The following ROBO1 variants were observed in gnomAD, a reference collection of about 807,000 sequenced individuals.
ROBO1 encodes roundabout guidance receptor 1.
Under a neutral mutation model 195.9 loss-of-function variants are expected in ROBO1, and 149 were observed. The observed-to-expected ratio is 0.76, with a 90% CI of 0.67 to 0.87. The LOEUF (loss-of-function observed/expected upper bound fraction) is 0.87. Among genes scored for constraint, ROBO1 ranks in the 40% least tolerant of loss-of-function variants. The pLI, the probability that ROBO1 is intolerant of heterozygous loss-of-function variation, is 0.00. For synonymous variants in ROBO1, 816 were observed against 733.2 expected (o/e 1.11, Z -1.82); for missense variants, 1,933 against 2,068.3 (o/e 0.93, Z 1.27).
At chr3:78,704,597 CACACACACACACACACAG>C (rs1206818609) in intron 8 of ROBO1, among the ~76,000 whole-genome samples, 429 of 11,952 alleles carry the variant, frequency 0.036, 5 homozygotes, top group African/African-American at 0.11. Flanking sequence ...CACACACATA[CACACACACACACACACAG>C]ACACACACAC....
intron 3 of ROBO1, among the ~76,000 whole-genome samples, chr3:78,950,116 A>T (rs892315144): frequency 6.6e-6 from 1 of 152,118 alleles, no homozygotes; most frequent in African/African-American, 2.4e-5. Context: ...TTCCTCAGGG[A>T]TCTAGAACTA....
chr3:79,125,188 T>C (rs537793919), intron 3 of ROBO1, among the ~76,000 whole-genome samples: 1 of 152,312 alleles, frequency 6.6e-6, no homozygotes, highest in South Asian at 2.1e-4. Context: ...ACTAGCAGTA[T>C]CAAAGTTTCA....
chr3:79,068,667 G>A (rs1374543133), intron 3 of ROBO1, among the ~76,000 whole-genome samples: 1 of 151,036 alleles, frequency 6.6e-6, no homozygotes, highest in Non-Finnish European at 1.5e-5. Flanking sequence ...CTGTTTATTT[G>A]CATGACTTTC....
intron 21 of ROBO1, among the ~76,000 whole-genome samples, chr3:78,645,684 C>T (rs943461882): frequency 6.6e-6 from 1 of 152,012 alleles, no homozygotes; most frequent in Non-Finnish European, 1.5e-5. Flanking sequence ...TCTTTTATTT[C>T]AACACATTTT....
chr3:79,138,048 T>C (rs978457897), intron 2 of ROBO1, among the ~76,000 whole-genome samples: 2 of 152,090 alleles, frequency 1.3e-5, no homozygotes, highest in African/African-American at 4.8e-5. Flanking sequence ...ATTATTAAAA[T>C]GGGGTTCCAA....
At chr3:78,935,094 C>T (rs1306538093) in intron 4 of ROBO1, among the ~76,000 whole-genome samples, 3 of 152,016 alleles carry the variant, frequency 2.0e-5, no homozygotes, top group East Asian at 1.9e-4. Flanking sequence ...TTGAAAGCAG[C>T]GAGAAAATAT....
At chr3:79,260,988 A>G (rs2082928606) in intron 2 of ROBO1, among the ~76,000 whole-genome samples, 1 of 152,104 alleles carries the variant, frequency 6.6e-6, no homozygotes, top group African/African-American at 2.4e-5. Context: ...AGCAAGCTCT[A>G]TTCACAATAC....
At chr3:79,043,946 A>G (rs1462751876) in intron 3 of ROBO1, among the ~76,000 whole-genome samples, 1 of 152,032 alleles carries the variant, frequency 6.6e-6, no homozygotes, top group African/African-American at 2.4e-5. Flanking sequence ...CACCTACAAA[A>G]CTTGCTCTAC....
chr3:79,364,251 T>TATATAC (rs386397147), intron 2 of ROBO1, among the ~76,000 whole-genome samples: 63 of 148,596 alleles, frequency 4.2e-4, no homozygotes, highest in African/African-American at 1.5e-3. Context: ...TATATATATA[T>TATATAC]ACATATATAT....
chr3:78,797,951 T>C (rs1176292541), intron 4 of ROBO1, among the ~76,000 whole-genome samples: 2 of 152,184 alleles, frequency 1.3e-5, no homozygotes, highest in Non-Finnish European at 2.9e-5. Flanking sequence ...TAATATGCTA[T>C]CAGGTATTAG....
Position 79,535,710 on chromosome 3 carries a change from C to T in ROBO1, c.88+54114G>A, listed in dbSNP as rs184867972. ...ATAAAATAGATTGAGGAGATTTACT[C>T]CCTGCCATTTCTTACATGAATGTTG... On this transcript the variant is annotated intron_variant, in intron 2 of 30. Transcript: ENST00000464233. Among the ~76,000 whole-genome samples, 6 of 152,100 alleles carry T rather than the reference C, an allele frequency of 3.9e-5. No individual in the cohort carries two copies. The East Asian group carries it at 1.2e-3, about 29-fold the overall frequency.
intron 3 of ROBO1, among the ~76,000 whole-genome samples, chr3:79,073,598 A>G (rs1348842515): frequency 1.3e-5 from 2 of 151,904 alleles, no homozygotes; most frequent in African/African-American, 2.4e-5. Context: ...AACATAATCA[A>G]TATTCAGCCA....
At chr3:79,206,440 T>C (rs987875913) in intron 2 of ROBO1, among the ~76,000 whole-genome samples, 4 of 152,158 alleles carry the variant, frequency 2.6e-5, no homozygotes, top group African/African-American at 9.7e-5. Context: ...AAAAATATTG[T>C]ATGCTGAAGT....
At chr3:78,613,361 A>G (rs780395072) in intron 28 of ROBO1, among the ~76,000 whole-genome samples, 2 of 152,196 alleles carry the variant, frequency 1.3e-5, no homozygotes, top group Non-Finnish European at 2.9e-5. Flanking sequence ...GAAAAATGCC[A>G]TTCTGGTGGT....
At chr3:79,281,862 T>C (rs535270649) in intron 2 of ROBO1, among the ~76,000 whole-genome samples, 2 of 152,350 alleles carry the variant, frequency 1.3e-5, no homozygotes, top group South Asian at 4.1e-4. Context: ...GGAAATTGAA[T>C]TTAATATTTT....
rs557214338 is a variant in ROBO1, at chr3:78,598,889, A to C, written c.*24T>G. ...TCTTGAGTGATGATTTTCACATTAG[A>C]TCTCATAAGCCTCTTGGTTGTCTTC... is the stretch of plus-strand genomic sequence containing the variant. On this transcript the variant is annotated 3_prime_UTR_variant, in exon 31 of 31. Coordinates refer to ENST00000464233, the MANE Select transcript of ROBO1 (RefSeq NM_002941.4). 31 of 1,529,408 alleles carry C rather than the reference A, an allele frequency of 2.0e-5. No individual in the cohort carries two copies. Among genetic ancestry groups the C allele is most frequent in the South Asian group, 6.2e-5 (5 of 80,612 alleles). 94.7% of individuals were successfully genotyped at this position (1,529,408 alleles called of 1,614,324 possible).
intron 3 of ROBO1, among the ~76,000 whole-genome samples, chr3:79,109,979 A>T (rs2079855934): frequency 6.6e-6 from 1 of 152,148 alleles, no homozygotes; most frequent in Admixed American, 6.6e-5. Context: ...ATAATACATG[A>T]AGCTTACTGC....
At chr3:79,681,320 C>G (rs1946940668) in intron 1 of ROBO1, among the ~76,000 whole-genome samples, 1 of 151,146 alleles carries the variant, frequency 6.6e-6, no homozygotes, top group Non-Finnish European at 1.5e-5. Context: ...GAGCAGAAAG[C>G]AGGAACAGCC....
intron 2 of ROBO1, among the ~76,000 whole-genome samples, chr3:79,432,394 A>T (rs1194587921): frequency 6.6e-6 from 1 of 152,092 alleles, no homozygotes; most frequent in Non-Finnish European, 1.5e-5. Context: ...GAGGGAATAA[A>T]CTCGAGACCA....
Sources: allele counts gnomAD v4.1 joint callset (sites outside exome capture counted in the v4.1 genomes callset), GRCh38; gene constraint gnomAD v4.1.1; transcripts MANE v1.5; gene names NCBI Gene and HGNC (gene_info 2026-07-23, HGNC 2026-07-21).